SORCS2: variants seen among roughly 807,000 people sequenced by gnomAD.
SORCS2 encodes VPS10 domain-containing receptor SorCS2.
SORCS2 carries 100 observed loss-of-function variants against 141.6 expected under a neutral mutation model. That is an observed-to-expected ratio of 0.71 (90% confidence interval 0.60 to 0.83). The LOEUF is 0.83. SORCS2 is among the 40% of genes least tolerant of loss of function. The pLI, the probability that SORCS2 is intolerant of heterozygous loss-of-function variation, is 0.00. For missense variants in SORCS2, 1,646 were observed against 1,560.2 expected, an observed-to-expected ratio of 1.05 and a Z score of -0.93; for synonymous variants, 789 against 676.9, an observed-to-expected ratio of 1.17 and a Z score of -2.57.
chr4:7,303,724 T>C (rs1240691868), intron 1 of SORCS2, among the ~76,000 whole-genome samples: 1 of 152,262 alleles, frequency 6.6e-6, no homozygotes, highest in Non-Finnish European at 1.5e-5. Context: ...CAGTGGGTGC[T>C]CAGTCATCAC....
intron 1 of SORCS2, among the ~76,000 whole-genome samples, chr4:7,308,677 T>C (rs1717991508): frequency 1.3e-5 from 2 of 151,928 alleles, no homozygotes; most frequent in Non-Finnish European, 2.9e-5. Flanking sequence ...CCCACACATC[T>C]CTTCTTCACT....
chr4:7,404,610 G>C (rs1471988331), intron 2 of SORCS2, among the ~76,000 whole-genome samples: 1 of 152,076 alleles, frequency 6.6e-6, no homozygotes, highest in Non-Finnish European at 1.5e-5. Flanking sequence ...TGGTGATGTT[G>C]AGCATTTTTT....
intron 3 of SORCS2, among the ~76,000 whole-genome samples, chr4:7,636,310 C>T (rs576793359): frequency 2.8e-4 from 42 of 152,340 alleles, no homozygotes; most frequent in African/African-American, 8.4e-4. Context: ...CTGCCTCACC[C>T]GCATCTCTGC....
chr4:7,582,682 A>T (rs183454232), intron 3 of SORCS2, among the ~76,000 whole-genome samples: 1 of 152,230 alleles, frequency 6.6e-6, no homozygotes, highest in Non-Finnish European at 1.5e-5. Flanking sequence ...AAGCAATTAA[A>T]GGATATAAAA....
intron 18 of SORCS2, among the ~76,000 whole-genome samples, chr4:7,721,027 A>G (rs1726552429): frequency 6.6e-6 from 1 of 152,152 alleles, no homozygotes; most frequent in South Asian, 2.1e-4. Flanking sequence ...TCACACAAAA[A>G]CCTGTATGTG....
intron 3 of SORCS2, among the ~76,000 whole-genome samples, chr4:7,602,264 C>T (rs1455074298): frequency 2.6e-5 from 4 of 151,754 alleles, no homozygotes; most frequent in African/African-American, 7.3e-5. Flanking sequence ...GCGCCCCCCA[C>T]CTCCCTCCCG....
chr4:7,490,174 G>A (rs1034385883), intron 2 of SORCS2, among the ~76,000 whole-genome samples: 8 of 152,118 alleles, frequency 5.3e-5, no homozygotes, highest in African/African-American at 1.7e-4. Context: ...GGCCTCTCCC[G>A]GCTTCTCGAT....
Position 7,531,588 on chromosome 4 carries a change from G to A in SORCS2, c.607G>A (p.Val203Ile), listed in dbSNP as rs376404206. The A allele has an allele frequency of 1.1e-5, 18 of 1,613,746 alleles. No individual in the cohort carries two copies. The highest frequency in any genetic ancestry group is 4.0e-5 in the African/African-American group (3 of 74,952). Residue 203 changes from valine to isoleucine, a missense_variant, in exon 3 of 27, where the codon GTC becomes ATC. By Grantham distance (29) the Val-to-Ile change is conservative. Transcript: ENST00000507866. ...KLTLQPGVTT[V>I]IDNFYICPTN... ...CACCCTCCAGCCTGGTGTCACCACC[G>A]TCATCGACAATTTCTACATCTGCCC...
rs1397787133 is a variant in SORCS2 at position 7,201,528 on chromosome 4, A to G, written c.480+8402A>G. ...TTACTTTATTTTATGGTGATTTTTC[A>G]GAGTCAGGCTAAGACTTGTGCAGAT... is the stretch of plus-strand genomic sequence containing the variant. On this transcript the variant is annotated intron_variant, in intron 1 of 26. Transcript: ENST00000507866. This position sits in a 1 kb window ranked among gnomAD's most constrained non-coding sequence, Gnocchi z 4.4. 6.6e-6 allele frequency among the ~76,000 whole-genome samples: 1 copy of G among 152,176 alleles called. No individual in the cohort carries two copies. Among genetic ancestry groups the G allele is most frequent in the Non-Finnish European group, 1.5e-5 (1 of 68,042 alleles).
chr4:7,409,989 G>A (rs1725200769), intron 2 of SORCS2, among the ~76,000 whole-genome samples: 1 of 152,208 alleles, frequency 6.6e-6, no homozygotes, highest in Non-Finnish European at 1.5e-5. Flanking sequence ...GAGCAGTGAA[G>A]CCCAACAGCA....
chr4:7,444,063 A>G (rs1321784379), intron 2 of SORCS2, among the ~76,000 whole-genome samples: 1 of 152,234 alleles, frequency 6.6e-6, no homozygotes, highest in Admixed American at 6.5e-5. Context: ...AATAGGCAGA[A>G]TCTCTCCTTC....
intron 1 of SORCS2, among the ~76,000 whole-genome samples, chr4:7,326,994 C>T (rs896810167): frequency 2.0e-5 from 3 of 152,238 alleles, no homozygotes; most frequent in Non-Finnish European, 4.4e-5. Context: ...GGGCCTCCAC[C>T]CCTGCCCACA....
chr4:7,455,461 G>C (rs1728834935), intron 2 of SORCS2, among the ~76,000 whole-genome samples: 1 of 140,932 alleles, frequency 7.1e-6, no homozygotes, highest in Non-Finnish European at 1.5e-5. Flanking sequence ...TGTGTGTTGG[G>C]GTCAGGTGCT....
At chr4:7,539,686 G>GTTATGGAGGCCCCGCCCCCCA (rs1405097648) in intron 3 of SORCS2, among the ~76,000 whole-genome samples, 5 of 150,100 alleles carry the variant, frequency 3.3e-5, no homozygotes, top group Admixed American at 6.6e-5. Flanking sequence ...CCCGACCCCC[G>GTTATGGAGGCCCCGCCCCCCA]TTATGGAGGC....
chr4:7,302,766 C>CGTGTGTGTGT (rs766083519), intron 1 of SORCS2, among the ~76,000 whole-genome samples: 2,083 of 51,958 alleles, frequency 0.04, 36 homozygotes, highest in Middle Eastern at 0.12. Flanking sequence ...AGACAGTCCA[C>CGTGTGTGTGT]ATATGTGTGT....
chr4:7,263,628 C>A (rs920199472), intron 1 of SORCS2, among the ~76,000 whole-genome samples: 1 of 152,218 alleles, frequency 6.6e-6, no homozygotes, highest in African/African-American at 2.4e-5. Flanking sequence ...TTCAGCTAAG[C>A]CCGTGGTCTC....
intron 2 of SORCS2, among the ~76,000 whole-genome samples, chr4:7,408,396 T>A (rs900323647): frequency 6.6e-6 from 1 of 151,976 alleles, no homozygotes; most frequent in African/African-American, 2.4e-5. Flanking sequence ...GTTTTTTTTT[T>A]CTTTTAGCAC....
At chr4:7,417,826 T>C (rs4689739) in intron 2 of SORCS2, among the ~76,000 whole-genome samples, 91,073 of 152,040 alleles carry the variant, frequency 0.6, 27,520 homozygotes, top group Middle Eastern at 0.69. Flanking sequence ...TCTGAGCCAG[T>C]CCCAGTTGGG....
Position 7,528,704 on chromosome 4 carries a change from C to G in SORCS2, c.549-2826C>G, listed in dbSNP as rs549325445. 3.9e-5 allele frequency among the ~76,000 whole-genome samples: 6 copies of G among 152,300 alleles called. No individual in the cohort carries two copies. The East Asian group carries it at 1.2e-3, about 29-fold the overall frequency. Reference sequence around the variant, plus strand: ...TGCTGGGATTACAGGCATGAGGCGCCGTGCCTGGCCTGGACTGTGTTTTAA... The same window carrying G: ...TGCTGGGATTACAGGCATGAGGCGCGGTGCCTGGCCTGGACTGTGTTTTAA... On this transcript the variant is annotated intron_variant, in intron 2 of 26. Coordinates refer to ENST00000507866, the MANE Select transcript of SORCS2 (RefSeq NM_020777.3).
Sources: gnomAD v4.1 joint callset for allele counts (sites outside exome capture counted in the v4.1 genomes callset) on GRCh38, gnomAD v4.1.1 for gene constraint, Gnocchi (gnomAD v3.1) non-coding constraint, MANE v1.5 for transcripts, NCBI Gene and HGNC (gene_info 2026-07-23, HGNC 2026-07-21) for gene names.